DHCR7: variants seen among roughly 807,000 people sequenced by gnomAD.
DHCR7 encodes 7-DHC reductase.
A neutral mutation model predicts 43.3 loss-of-function variants in DHCR7; 40 were observed. The observed-to-expected ratio is 0.92, with a 90% confidence interval of 0.72 to 1.20. The LOEUF (loss-of-function observed/expected upper bound fraction) is 1.20. DHCR7 is among the 50% of genes most tolerant of loss of function. The pLI, the probability that DHCR7 is intolerant of heterozygous loss-of-function variation, is 0.00. For missense variants in DHCR7, 608 were observed against 644.6 expected, an observed-to-expected ratio of 0.94 and a Z score of 0.62; for synonymous variants, 298 against 271.4, an observed-to-expected ratio of 1.10 and a Z score of -0.96.
intron 6 of DHCR7, among the ~76,000 whole-genome samples, chr11:71,440,936 C>T (rs1386099100): frequency 6.6e-6 from 1 of 152,178 alleles, no homozygotes; most frequent in African/African-American, 2.4e-5. Context: ...GCCTGTGCCC[C>T]AAGCCAGAAG....
intron 5 of DHCR7, 66 bp from the exon 6 acceptor site, chr11:71,441,506 G>A (rs1404353538): frequency 2.9e-6 from 4 of 1,362,046 alleles, no homozygotes; most frequent in Non-Finnish European, 4.1e-6. Flanking sequence ...TGGCTGGGCT[G>A]AAGCATGCCT....
chr11:71,438,243 T>A (rs937049077), intron 7 of DHCR7, among the ~76,000 whole-genome samples: 1 of 152,158 alleles, frequency 6.6e-6, no homozygotes, highest in African/African-American at 2.4e-5. Context: ...ATTCATCCCA[T>A]CCAGGTCAAC....
rs748962676 is a variant in DHCR7 at position 71,438,847 on chromosome 11, G to A, written c.831+32C>T. Reference sequence around the variant, plus strand: ...GGTTCCCCCAGAGCCTGCCGGCATCGGCGTTTCACCCTCTCCAGCCATGAC... The same window carrying A: ...GGTTCCCCCAGAGCCTGCCGGCATCAGCGTTTCACCCTCTCCAGCCATGAC... On this transcript the variant is annotated intron_variant, in intron 7 of 8. Coordinates refer to ENST00000355527, the MANE Select transcript of DHCR7 (RefSeq NM_001360.3). The A allele has an allele frequency of 8.7e-6, 14 of 1,608,976 alleles. 1 individual carries two copies. Among genetic ancestry groups the A allele is most frequent in the South Asian group, 4.4e-5 (4 of 90,978 alleles).
rs1238806817 is a variant in DHCR7 at position 71,437,821 on chromosome 11, G to A, written c.954C>T (p.Tyr318=). The change falls in exon 8 of 9, where the codon TAC becomes TAT. Residue 318 remains tyrosine, a synonymous_variant. Coordinates refer to ENST00000355527, the MANE Select transcript of DHCR7 (RefSeq NM_001360.3). ...CTGCCCACCTCCTCACCTGCAGCGT[G>A]TAAAGATAAGGCAGCCAGACACAGT... ...WGDCVWLPYL[Y]TLQGLYLVYH... is the part of the protein sequence containing the mutation. 6 of 1,613,778 alleles carry A rather than the reference G, an allele frequency of 3.7e-6. No homozygotes were observed. The highest frequency in any genetic ancestry group is 4.2e-6 in the Non-Finnish European group (5 of 1,180,022).
chr11:71,443,894 G>C, intron 4 of DHCR7, 99 bp downstream of exon 4: 1 of 983,908 alleles, frequency 1.0e-6, no homozygotes. Context: ...ATGTCAACCT[G>C]AGCCAGGATC....
At chr11:71,444,588 T>C (rs547819860) in intron 3 of DHCR7, among the ~76,000 whole-genome samples, 15 of 152,332 alleles carry the variant, frequency 9.8e-5, no homozygotes, top group Non-Finnish European at 1.8e-4. Context: ...CAATAGGTCA[T>C]ACCCCCAGAT....
At chr11:71,444,413 T>C (rs1430472222) in intron 3 of DHCR7, among the ~76,000 whole-genome samples, 198 bp from the exon 4 acceptor site, 3 of 152,208 alleles carry the variant, frequency 2.0e-5, no homozygotes, top group African/African-American at 7.2e-5. Flanking sequence ...GTTGATTAAC[T>C]GGTGGCACTA....
chr11:71,439,108 A>G, intron 6 of DHCR7, 25 bp from the exon 7 acceptor site: 3 of 1,597,114 alleles, frequency 1.9e-6, no homozygotes, highest in Non-Finnish European at 2.6e-6. Context: ...TAAAAGATAC[A>G]TTTAGTGGAT....
chr11:71,443,189 T>C (rs1479630505), intron 4 of DHCR7, among the ~76,000 whole-genome samples: 1 of 152,356 alleles, frequency 6.6e-6, no homozygotes, highest in African/African-American at 2.4e-5. Flanking sequence ...TGTGGGTCCA[T>C]TCATCTACTG....
At position 71,445,052 on chromosome 11, in the gene DHCR7, C is replaced by T. The variant is rs371326423; in HGVS notation, c.-6-94G>A. On this transcript the variant is annotated intron_variant, in intron 2 of 8. Coordinates refer to ENST00000355527, the MANE Select transcript of DHCR7 (RefSeq NM_001360.3). ...ACCACTGCTCCTGGGCCTGGCAGGGCTGGCCTCCTGTGCACATCTTCCCGG... is the reference window on the plus strand; with the variant it reads ...ACCACTGCTCCTGGGCCTGGCAGGGTTGGCCTCCTGTGCACATCTTCCCGG... 1.0e-5 allele frequency: 11 copies of T among 1,057,320 alleles called. No homozygotes were observed. In the East Asian group the frequency reaches 2.4e-4, roughly 23 times the overall value. The allele number at this position is 1,057,320 out of a possible 1,614,324, so 65.5% of individuals were successfully genotyped here. A position where few individuals can be genotyped will look rare whatever the true frequency, so the allele number is the denominator to read the frequency against.
At chr11:71,428,941 C>T (rs920109990) in intron 2 of DHCR7, 22 of 438,586 alleles carry the variant, frequency 5.0e-5, no homozygotes, top group Non-Finnish European at 9.6e-5. Flanking sequence ...AATTCAAATG[C>T]CTCCCGCCTC....
chr11:71,439,947 T>TC (rs1949330798), intron 6 of DHCR7, among the ~76,000 whole-genome samples: 1 of 152,144 alleles, frequency 6.6e-6, no homozygotes, highest in Admixed American at 6.5e-5. Context: ...GTTTTTTGGA[T>TC]CCCCCAAACT....
At chr11:71,438,704 AAG>A (rs1949315538) in intron 7 of DHCR7, 173 bp downstream of exon 7, 3 of 703,230 alleles carry the variant, frequency 4.3e-6, no homozygotes, top group Admixed American at 2.2e-5. Flanking sequence ...ACAGGCACCC[AAG>A]GATGGCTTCC....
chr11:71,438,939 C>T lies in DHCR7; in HGVS notation c.771G>A (p.Ala257=), dbSNP rs200232012. The stretch of plus-strand genomic sequence containing the variant: ...CATGGCTGTGGAGCTCCCGCTGCTT[C>T]GCTGCGAAGGACAGGTTGATGAGGG... The part of the protein sequence containing the change: ...AWTLINLSFA[A]KQRELHSHVT... Residue 257 remains alanine, a synonymous_variant, in exon 7 of 9, where the codon GCG becomes GCA. Transcript: ENST00000355527. 2.9e-5 allele frequency: 47 copies of T among 1,614,046 alleles called. No individual in the cohort carries two copies. The highest frequency in any genetic ancestry group is 6.7e-5 in the East Asian group (3 of 44,870).
chr11:71,435,840 C>A lies in DHCR7; in HGVS notation c.964-1G>T, dbSNP rs138659167. The A allele has an allele frequency of 4.4e-5, 71 of 1,599,870 alleles. No homozygotes were observed. The highest frequency in any genetic ancestry group is 4.6e-5 in the Non-Finnish European group (54 of 1,174,200). On this transcript the variant is annotated splice_acceptor_variant, in intron 8 of 8. Coordinates refer to ENST00000355527, the MANE Select transcript of DHCR7 (RefSeq NM_001360.3). LOFTEE classifies it high-confidence loss of function. ...CGGGGTGGTACACCAAGTACAGACC[C>A]TGGGGGGCGAGGGGGAAGGGGTCAA... is the stretch of plus-strand genomic sequence containing the variant.
intron 6 of DHCR7, among the ~76,000 whole-genome samples, chr11:71,440,969 C>G (rs1226579539): frequency 6.6e-6 from 1 of 152,210 alleles, no homozygotes; most frequent in African/African-American, 2.4e-5. Context: ...TCCTTACCCC[C>G]ACGCCAGCCC....
chr11:71,446,259 T>TGA (rs1949402086), intron 2 of DHCR7, among the ~76,000 whole-genome samples: 1 of 11,240 alleles, frequency 8.9e-5, no homozygotes, highest in East Asian at 1.6e-3. Flanking sequence ...CCTTACCAAA[T>TGA]GAAAAAAAAA....
At chr11:71,431,924 G>A (rs574444590), downstream of DHCR7, among the ~76,000 whole-genome samples, 14 of 152,284 alleles carry the variant, frequency 9.2e-5, no homozygotes, top group Admixed American at 7.8e-4. Flanking sequence ...CCCAGGCTCA[G>A]GTGATCCTCC....
intron 2 of DHCR7, among the ~76,000 whole-genome samples, chr11:71,446,260 G>GAAAAAAAAA (rs57679336): frequency 1.5e-5 from 1 of 65,940 alleles, no homozygotes; most frequent in Non-Finnish European, 2.7e-5. Flanking sequence ...CTTACCAAAT[G>GAAAAAAAAA]AAAAAAAAAA....
Sources: gnomAD v4.1 joint callset for allele counts (sites outside exome capture counted in the v4.1 genomes callset) on GRCh38, gnomAD v4.1.1 for gene constraint, MANE v1.5 for transcripts, NCBI Gene and HGNC (gene_info 2026-07-23, HGNC 2026-07-21) for gene names.